ITM2C: variants seen among roughly 807,000 people sequenced by gnomAD.
ITM2C encodes the protein integral membrane protein 2C.
Under a neutral mutation model 30.0 loss-of-function variants are expected in ITM2C, and 20 were observed. The ratio of observed to expected loss-of-function variants is 0.67; its 90% CI spans 0.47 to 0.97. The LOEUF (loss-of-function observed/expected upper bound fraction) is 0.97. Ranked by LOEUF, ITM2C falls within the 50% of genes least tolerant of loss-of-function variation. ITM2C has a pLI of 0.00. For missense variants in ITM2C, 366 were observed against 371.9 expected (o/e 0.98, Z 0.13); for synonymous variants, 167 against 156.4 (o/e 1.07, Z -0.51).
chr2:230,865,093 C>T lies in ITM2C; in HGVS notation c.68C>T (p.Ala23Val). 6.6e-7 allele frequency: 1 copy of T among 1,525,750 alleles called. No homozygotes were observed. The highest frequency in any genetic ancestry group is 8.8e-7 in the Non-Finnish European group (1 of 1,132,864). The allele number at this position is 1,525,750 out of a possible 1,614,324, so 94.5% of individuals were successfully genotyped here. The change falls in exon 1 of 6, where the codon GCG becomes GTG. Residue 23 changes from alanine (A) to valine (V), a missense_variant. Ala to Val is a moderately conservative substitution (Grantham distance 64). Transcript: ENST00000326427. This position sits in a 1 kb window ranked among gnomAD's most constrained non-coding sequence, Gnocchi z 6.8. The part of the protein sequence containing the change: ...IKGDKADKAS[A>V]SAPAPASATE... The stretch of plus-strand genomic sequence containing the variant: ...GGCGACAAGGCTGACAAGGCGTCGG[C>T]GTCGGCCCCTGCGCCGGCCTCGGCC...
At position 230,875,827 on chromosome 2, in the gene ITM2C, TGGGGGTGGGGGGTGG is replaced by T; in HGVS notation, c.450+21_450+35del. ...CCAGCGGGTGAGGCTGGCCAGGGCC[TGGGGGTGGGGGGTGG>T]GAGGGTGTCCCGGGGACTCAGGGCA... On this transcript the variant is annotated intron_variant, in intron 3 of 5. Transcript: ENST00000326427. The T allele has an allele frequency of 6.2e-6, 1 of 161,060 alleles. No individual in the cohort carries two copies. Among genetic ancestry groups the T allele is most frequent in the Non-Finnish European group, 1.2e-5 (1 of 85,516 alleles). 10.0% of individuals were successfully genotyped at this position (161,060 alleles called of 1,614,324 possible).
chr2:230,865,333 G>A lies in ITM2C; in HGVS notation c.120+188G>A. 2 of 565,482 alleles carry A rather than the reference G, an allele frequency of 3.5e-6. No homozygotes were observed. The highest frequency in any genetic ancestry group is 2.6e-6 in the Non-Finnish European group (1 of 378,646). 35.0% of individuals were successfully genotyped at this position (565,482 alleles called of 1,614,324 possible). ...GGGGGCTTAAGTCCCGTACTAAAGC[G>A]GCAGCCAAAAGCTGAAGTCCGAAGA... On this transcript the variant is annotated intron_variant, in intron 1 of 5. Transcript: ENST00000326427. This position sits in a 1 kb window ranked among gnomAD's most constrained non-coding sequence, Gnocchi z 6.8.
intron 2 of ITM2C, among the ~76,000 whole-genome samples, chr2:230,874,565 T>G (rs1482903640): frequency 6.6e-6 from 1 of 152,164 alleles, no homozygotes; most frequent in African/African-American, 2.4e-5. Context: ...CAGCAGCCCC[T>G]GGGTCTGTGC....
In ITM2C at chr2:230,877,003, T is replaced by C. The variant is rs373216816; in HGVS notation, c.561+36T>C. On this transcript the variant is annotated intron_variant, in intron 4 of 5. Coordinates refer to ENST00000326427, the MANE Select transcript of ITM2C (RefSeq NM_030926.6). This position sits in a 1 kb window ranked among gnomAD's most constrained non-coding sequence, Gnocchi z 4.8. ...GGTTGGGGGGATGTCTGCAGCATCC[T>C]GTCCCTCCCTTGCCCCCTGTCTCAT... 2.2e-6 allele frequency: 3 copies of C among 1,359,600 alleles called. No individual in the cohort carries two copies. The highest frequency in any genetic ancestry group is 4.6e-5 in the East Asian group (2 of 43,728). The allele number at this position is 1,359,600 out of a possible 1,614,324, so 84.2% of individuals were successfully genotyped here.
intron 3 of ITM2C, among the ~76,000 whole-genome samples, chr2:230,876,116 T>C (rs1470970379): frequency 3.3e-5 from 5 of 151,906 alleles, no homozygotes; most frequent in Admixed American, 2.6e-4. Context: ...GCTCAGCGGG[T>C]CTCTGCAGAG....
chr2:230,875,763 G>T lies in ITM2C; in HGVS notation c.405G>T (p.Gln135His), dbSNP rs527771537. The change falls in exon 3 of 6, where the codon CAG (glutamine) becomes CAT (histidine). Residue 135 changes from glutamine to histidine, a missense_variant. Gln to His is a conservative substitution (Grantham distance 24, BLOSUM62 0). Transcript: ENST00000326427. Reference sequence around the variant, plus strand: ...AGCGCATCAACGTGCCTGTGCCCCAGTTTGGCGGCGGTGACCCTGCAGACA... The same window carrying T: ...AGCGCATCAACGTGCCTGTGCCCCATTTTGGCGGCGGTGACCCTGCAGACA... Reference protein sequence around the residue: ...NYERINVPVPQFGGGDPADII... With the variant: ...NYERINVPVPHFGGGDPADII... The T allele has an allele frequency of 2.5e-6, 4 of 1,597,914 alleles. No individual in the cohort carries two copies. In the African/African-American group the frequency reaches 4.1e-5, roughly 16 times the overall value.
At position 230,877,591 on chromosome 2, in the gene ITM2C, C is replaced by T. The variant is rs1458505399; in HGVS notation, c.712+41C>T. The T allele has an allele frequency of 1.2e-6, 2 of 1,606,490 alleles. No homozygotes were observed. The highest frequency in any genetic ancestry group is 2.2e-5 in the South Asian group (2 of 90,644). On this transcript the variant is annotated intron_variant, in intron 5 of 5. Coordinates refer to ENST00000326427, the MANE Select transcript of ITM2C (RefSeq NM_030926.6). This position sits in a 1 kb window ranked among gnomAD's most constrained non-coding sequence, Gnocchi z 4.8. The stretch of plus-strand genomic sequence containing the variant: ...CACCCACAGTAGCCCCTGTCCCGTG[C>T]CCCAGACCACAGTTATCTTCACGCC...
intron 1 of ITM2C, among the ~76,000 whole-genome samples, chr2:230,870,772 C>T (rs990914757): frequency 9.9e-5 from 15 of 152,222 alleles, no homozygotes; most frequent in African/African-American, 3.6e-4. Flanking sequence ...GGCGGAAAGG[C>T]GAGGCTGCCC....
intron 1 of ITM2C, among the ~76,000 whole-genome samples, chr2:230,868,484 CTT>C (rs1417824824): frequency 1.5e-5 from 2 of 134,500 alleles, no homozygotes; most frequent in Admixed American, 1.5e-4. Context: ...CACACACACA[CTT>C]ATGCACACAC....
At chr2:230,875,873 AG>A in intron 3 of ITM2C, 65 bp downstream of exon 3, 1 of 1,281,746 alleles carries the variant, frequency 7.8e-7, no homozygotes, top group Non-Finnish European at 1.1e-6. Flanking sequence ...GGGCAAGGGG[AG>A]CAGGGATGAA....
chr2:230,868,826 G>A (rs953213337), intron 1 of ITM2C, among the ~76,000 whole-genome samples: 2 of 152,198 alleles, frequency 1.3e-5, no homozygotes, highest in Non-Finnish European at 2.9e-5. Context: ...GGCCTGGCCC[G>A]AAAGCACTTT....
intron 1 of ITM2C, among the ~76,000 whole-genome samples, chr2:230,868,637 C>A (rs931826642): frequency 6.6e-6 from 1 of 152,250 alleles, no homozygotes; most frequent in South Asian, 2.1e-4. Flanking sequence ...GTGTCACCCC[C>A]TCCCCAGCCT....
At chr2:230,875,835 GGGGGTGGGA>G in intron 3 of ITM2C, 27 bp downstream of exon 3, 1 of 395,790 alleles carries the variant, frequency 2.5e-6, no homozygotes, top group Non-Finnish European at 5.0e-6. Flanking sequence ...CCTGGGGGTG[GGGGGTGGGA>G]GGGTGTCCCG....
Position 230,878,116 on chromosome 2 carries a change from A to C in ITM2C, c.*17A>C. 6.5e-7 allele frequency: 1 copy of C among 1,547,146 alleles called. No homozygotes were observed. The highest frequency in any genetic ancestry group is 8.8e-7 in the Non-Finnish European group (1 of 1,138,760). On this transcript the variant is annotated 3_prime_UTR_variant, in exon 6 of 6. Transcript: ENST00000326427. The surrounding 1 kb of genome is among the most constrained non-coding windows in gnomAD (Gnocchi z 4.5). ...GTGGTGTGAGGCCCTCCTCCCCCAG[A>C]ACCCCCTGCCGTGTTCCTCTTTTCT... is the stretch of plus-strand genomic sequence containing the variant.
At position 230,865,387 on chromosome 2, in the gene ITM2C, G is replaced by T; in HGVS notation, c.120+242G>T. 1 of 395,468 alleles carries T rather than the reference G, an allele frequency of 2.5e-6. No homozygotes were observed. The highest frequency in any genetic ancestry group is 4.4e-6 in the Non-Finnish European group (1 of 229,718). 24.5% of individuals were successfully genotyped at this position (395,468 alleles called of 1,614,324 possible). ...GGAGGCGTCTGGTTCTGGTCTTCAGGTGGAGAAGTGCTCGAGGTCTCTTCC... is the reference window on the plus strand; with the variant it reads ...GGAGGCGTCTGGTTCTGGTCTTCAGTTGGAGAAGTGCTCGAGGTCTCTTCC... On this transcript the variant is annotated intron_variant, in intron 1 of 5. Transcript: ENST00000326427. The surrounding 1 kb of genome is among the most constrained non-coding windows in gnomAD (Gnocchi z 6.8).
At chr2:230,870,033 G>T (rs1697126109) in intron 1 of ITM2C, among the ~76,000 whole-genome samples, 1 of 152,256 alleles carries the variant, frequency 6.6e-6, no homozygotes, top group African/African-American at 2.4e-5. Flanking sequence ...GGTGCGGCTG[G>T]GGTCTCAGGA....
chr2:230,865,216 C>T lies in ITM2C; in HGVS notation c.120+71C>T. 1 of 1,297,154 alleles carries T rather than the reference C, an allele frequency of 7.7e-7. No individual in the cohort carries two copies. The highest frequency in any genetic ancestry group is 2.1e-5 in the South Asian group (1 of 46,660). The allele number at this position is 1,297,154 out of a possible 1,614,324, so 80.4% of individuals were successfully genotyped here. On this transcript the variant is annotated intron_variant, in intron 1 of 5. Coordinates refer to ENST00000326427, the MANE Select transcript of ITM2C (RefSeq NM_030926.6). The surrounding 1 kb of genome is among the most constrained non-coding windows in gnomAD (Gnocchi z 6.8). ...CACGACCCAGGCGCGCCCCGTCGGCCCTGGGGACTGCCCGAGGCGCGTCAG... is the reference window on the plus strand; with the variant it reads ...CACGACCCAGGCGCGCCCCGTCGGCTCTGGGGACTGCCCGAGGCGCGTCAG...
chr2:230,865,509 A>G lies in ITM2C; in HGVS notation c.120+364A>G, dbSNP rs867933820. 3 of 174,442 alleles carry G rather than the reference A, an allele frequency of 1.7e-5. No homozygotes were observed. The highest frequency in any genetic ancestry group is 2.1e-3 in the Middle Eastern group (1 of 476). The allele number at this position is 174,442 out of a possible 1,614,324, so 10.8% of individuals were successfully genotyped here. ...GGGGGGTACGCGTCTGGTTCCAATCAACTGGGAAAGCCGCGAGTCGAGTCC... is the reference window on the plus strand; with the variant it reads ...GGGGGGTACGCGTCTGGTTCCAATCGACTGGGAAAGCCGCGAGTCGAGTCC... On this transcript the variant is annotated intron_variant, in intron 1 of 5. Transcript: ENST00000326427. The surrounding 1 kb of genome is among the most constrained non-coding windows in gnomAD (Gnocchi z 6.8).
chr2:230,875,959 T>C (rs1411285339), intron 3 of ITM2C, 151 bp downstream of exon 3: 1 of 657,792 alleles, frequency 1.5e-6, no homozygotes, highest in African/African-American at 1.8e-5. Flanking sequence ...TTTTCTCCTG[T>C]TAGCAACAAT....
Sources: allele counts gnomAD v4.1 joint callset (sites outside exome capture counted in the v4.1 genomes callset), GRCh38; gene constraint gnomAD v4.1.1; non-coding constraint Gnocchi (gnomAD v3.1); transcripts MANE v1.5; gene names NCBI Gene and HGNC (gene_info 2026-07-23, HGNC 2026-07-21).